WDR44: variants seen among roughly 807,000 people sequenced by gnomAD.
The protein encoded by WDR44 is WD repeat-containing protein 44.
In WDR44, 9 loss-of-function variants were observed where a neutral mutation model predicts 65.7. The observed-to-expected ratio is 0.14, with a 90% CI of 0.08 to 0.24. The LOEUF (loss-of-function observed/expected upper bound fraction) is 0.24. Ranked by LOEUF, WDR44 falls within the 10% of genes least tolerant of loss-of-function variation. WDR44 has a pLI of 1.00. For missense variants in WDR44, 425 were observed against 670.9 expected (o/e 0.63, Z 4.05); for synonymous variants, 220 against 235.2 (o/e 0.94, Z 0.59).
intron 1 of WDR44, among the ~76,000 whole-genome samples, chrX:118,352,321 TATATATATATATATA>T (rs2056414184): frequency 7.0e-4 from 6 of 8,550 alleles, no homozygotes; most frequent in African/African-American, 2.5e-3. Flanking sequence ...AGCTAATTTA[TATATATATATATATA>T]TATATATATA....
Position 118,405,753 on chromosome X carries a change from A to G in WDR44, c.1382-1122A>G, listed in dbSNP as rs554434005. 1.5e-4 allele frequency among the ~76,000 whole-genome samples: 17 copies of G among 112,229 alleles called. No individual in the cohort carries two copies. In the South Asian group the frequency reaches 6.2e-3, roughly 41 times the overall value. On this transcript the variant is annotated intron_variant, in intron 9 of 19. Transcript: ENST00000254029. ...TTTTAAAAATATATAAAAAATAACA[A>G]TGCAACAATAAAACATAATAGAAAA... is the stretch of plus-strand genomic sequence containing the variant.
intron 12 of WDR44, among the ~76,000 whole-genome samples, chrX:118,413,409 G>A (rs1396707208): frequency 2.7e-5 from 3 of 112,025 alleles, no homozygotes; most frequent in East Asian, 2.8e-4. Context: ...GTATCACATC[G>A]AGGTTTTGAT....
At position 118,438,797 on chromosome X, in the gene WDR44, G is replaced by GTTTTTTTGTTTTTTTTTT. The variant is rs1431508948; in HGVS notation, c.1974+1980_1974+1981insGTTTTTTTTTTTTTTTTT. Among the ~76,000 whole-genome samples, 45 of 64,032 alleles carry GTTTTTTTGTTTTTTTTTT rather than the reference G, an allele frequency of 7.0e-4. 2 individuals are homozygous for GTTTTTTTGTTTTTTTTTT. The highest frequency in any genetic ancestry group is 2.5e-3 in the African/African-American group (44 of 17,629). The allele number at this position is 64,032 out of a possible 115,157, so 55.6% of individuals were successfully genotyped here. On this transcript the variant is annotated intron_variant, in intron 14 of 19. Coordinates refer to ENST00000254029, the MANE Select transcript of WDR44 (RefSeq NM_019045.5). ...TTTATTAAACTTTCTGTTCAGCCAT[G>GTTTTTTTGTTTTTTTTTT]TTTTTTTTTTTTTTTTTTTTTGAAG...
At chrX:118,434,783 T>C (rs7883122) in intron 13 of WDR44, among the ~76,000 whole-genome samples, 12,952 of 111,765 alleles carry the variant, frequency 0.12, 775 homozygotes, top group African/African-American at 0.23. Flanking sequence ...TGTTTTTTGC[T>C]TTTCAAACAC....
At chrX:118,399,994 G>A (rs1339001537) in intron 8 of WDR44, among the ~76,000 whole-genome samples, 4 of 110,556 alleles carry the variant, frequency 3.6e-5, no homozygotes, top group African/African-American at 1.3e-4. Flanking sequence ...AGGCTGACAT[G>A]GGAGAATTGC....
chrX:118,423,678 T>G (rs2057124424), intron 12 of WDR44, among the ~76,000 whole-genome samples: 2 of 112,002 alleles, frequency 1.8e-5, no homozygotes, highest in East Asian at 5.6e-4. Flanking sequence ...GTAAACTGTA[T>G]GCACTGTGCT....
intron 14 of WDR44, among the ~76,000 whole-genome samples, chrX:118,440,979 G>A (rs746373714): frequency 0.017 from 149 of 8,588 alleles, 2 homozygotes; most frequent in African/African-American, 0.038. Context: ...TTTTTTTTTT[G>A]AGACGGAGTC....
In WDR44 at chrX:118,392,636, T is replaced by C. The variant is rs2089471332; in HGVS notation, c.191T>C (p.Ile64Thr). ...TACTTTTAACCCTTTCATCAGATTA[T>C]TGAAAGTATTATTGAGGAGAGTCAG... ...ELKQDVSKKI[I>T]ESIIEESQKV... The change falls in exon 4 of 20, where the codon ATT (isoleucine) becomes ACT (threonine). Residue 64 changes from isoleucine to threonine, a missense_variant. By Grantham distance (89) the Ile-to-Thr change is moderately conservative. Transcript: ENST00000254029. 8.5e-7 allele frequency: 1 copy of C among 1,182,647 alleles called. No individual in the cohort carries two copies. Among genetic ancestry groups the C allele is most frequent in the African/African-American group, 1.8e-5 (1 of 56,033 alleles).
At chrX:118,367,085 C>CAA (rs1227005307) in intron 1 of WDR44, among the ~76,000 whole-genome samples, 1 of 74,060 alleles carries the variant, frequency 1.4e-5, no homozygotes, top group Non-Finnish European at 2.7e-5. Context: ...GACTCCGTCT[C>CAA]AAAAAAAAAA....
intron 7 of WDR44, among the ~76,000 whole-genome samples, chrX:118,397,802 C>T (rs145299253): frequency 0.019 from 2,067 of 111,637 alleles, 18 homozygotes; most frequent in Middle Eastern, 0.037. Flanking sequence ...GCACATTTTG[C>T]CAAGCAAAAA....
At chrX:118,351,987 CAGTT>C (rs1267205004) in intron 1 of WDR44, among the ~76,000 whole-genome samples, 1 of 108,996 alleles carries the variant, frequency 9.2e-6, no homozygotes, top group Non-Finnish European at 1.9e-5. Context: ...ATCTGACTGT[CAGTT>C]GGTAACTCAT....
chrX:118,373,253 A>C (rs2147680717), intron 1 of WDR44, among the ~76,000 whole-genome samples: 1 of 110,870 alleles, frequency 9.0e-6, no homozygotes, highest in Admixed American at 9.6e-5. Flanking sequence ...ATTAAAATAT[A>C]ATGTAGTATT....
intron 12 of WDR44, among the ~76,000 whole-genome samples, chrX:118,425,798 C>T (rs1602958694): frequency 8.9e-6 from 1 of 112,130 alleles, no homozygotes; most frequent in Non-Finnish European, 1.9e-5. Flanking sequence ...ATAGGCCGGG[C>T]ATGGTGGCCC....
At chrX:118,356,961 A>T (rs1402424158) in intron 1 of WDR44, among the ~76,000 whole-genome samples, 1 of 105,558 alleles carries the variant, frequency 9.5e-6, no homozygotes, top group Non-Finnish European at 1.9e-5. Context: ...CTCTTGCCTC[A>T]GCCTCCGGAG....
At chrX:118,440,120 C>CA (rs36033722) in intron 14 of WDR44, among the ~76,000 whole-genome samples, 10,408 of 68,616 alleles carry the variant, frequency 0.15, 858 homozygotes, top group African/African-American at 0.28. Flanking sequence ...ACCCCATCAC[C>CA]AAAAAAAAAA....
At chrX:118,349,594 G>A (rs1327757290) in intron 1 of WDR44, among the ~76,000 whole-genome samples, 2 of 104,505 alleles carry the variant, frequency 1.9e-5, no homozygotes, top group Non-Finnish European at 3.9e-5. Context: ...GTCTCGCTCT[G>A]TCGCCCAGGC....
chrX:118,382,969 A>G (rs1333121700), intron 2 of WDR44, among the ~76,000 whole-genome samples: 1 of 112,107 alleles, frequency 8.9e-6, no homozygotes, highest in East Asian at 2.8e-4. Flanking sequence ...CTGTGGACAC[A>G]TGCTTGGCTT....
chrX:118,365,914 G>C (rs1007476153), intron 1 of WDR44, among the ~76,000 whole-genome samples: 5 of 112,034 alleles, frequency 4.5e-5, no homozygotes, highest in Non-Finnish European at 9.4e-5. Flanking sequence ...GCATCTACCT[G>C]CTTTGCAGAG....
intron 1 of WDR44, among the ~76,000 whole-genome samples, chrX:118,346,974 G>T (rs2056357089): frequency 8.9e-6 from 1 of 111,847 alleles, no homozygotes. Flanking sequence ...AGTAACAGGA[G>T]AAATGTAACT....
Sources: allele counts gnomAD v4.1 joint callset (sites outside exome capture counted in the v4.1 genomes callset), GRCh38; gene constraint gnomAD v4.1.1; transcripts MANE v1.5; gene names NCBI Gene and HGNC (gene_info 2026-07-23, HGNC 2026-07-21).